NFKB1: variants seen among roughly 807,000 people sequenced by gnomAD.
NFKB1 encodes nuclear factor kappa B subunit 1.
In NFKB1, 9 loss-of-function variants were observed where a neutral mutation model predicts 105.1. That is an observed-to-expected ratio of 0.09 (90% confidence interval 0.05 to 0.15). NFKB1 has a LOEUF of 0.15. Ranked by LOEUF, NFKB1 falls within the 10% of genes least tolerant of loss-of-function variation. NFKB1 has a pLI of 1.00. For missense variants in NFKB1, 830 were observed against 1,203.7 expected (o/e 0.69, Z 4.59); for synonymous variants, 440 against 442.2 (o/e 1.00, Z 0.06).
intron 5 of NFKB1, among the ~76,000 whole-genome samples, chr4:102,548,397 T>C (rs916213784): frequency 6.6e-6 from 1 of 152,090 alleles, no homozygotes; most frequent in Non-Finnish European, 1.5e-5. Flanking sequence ...GGCAATTGTA[T>C]AATGCAGATA....
At chr4:102,503,172 CTT>C (rs1233789763) in intron 1 of NFKB1, among the ~76,000 whole-genome samples, 1 of 151,900 alleles carries the variant, frequency 6.6e-6, no homozygotes, top group African/African-American at 2.4e-5. Flanking sequence ...AGTTTATAAA[CTT>C]GGGAAGACAG....
chr4:102,536,201 G>T (rs1490133210), intron 4 of NFKB1, among the ~76,000 whole-genome samples: 2 of 152,036 alleles, frequency 1.3e-5, no homozygotes, highest in East Asian at 3.9e-4. Flanking sequence ...AACAGTGTTT[G>T]CTTACAAAAG....
In NFKB1 at chr4:102,510,890, A is replaced by G. The variant is rs117929697; in HGVS notation, c.-8+9102A>G. On this transcript the variant is annotated intron_variant, in intron 1 of 23. Transcript: ENST00000226574. ...TCTGTTCCTTCCTAGAAGGAACACA[A>G]CGTCCTACATCAAGAAAAAAGACAG... The G allele has an allele frequency of 3.8e-4, 481 of 1,269,490 alleles. 1 individual carries two copies. The East Asian group carries it at 0.025, about 66-fold the overall frequency. The allele number at this position is 1,269,490 out of a possible 1,614,324, so 78.6% of individuals were successfully genotyped here.
intron 1 of NFKB1, among the ~76,000 whole-genome samples, chr4:102,518,825 C>T (rs1390393226): frequency 6.6e-6 from 1 of 152,154 alleles, no homozygotes; most frequent in African/African-American, 2.4e-5. Flanking sequence ...TGTCTGTGCT[C>T]CACATGGTCT....
chr4:102,567,168 G>C, intron 6 of NFKB1, 33 bp downstream of exon 6: 1 of 1,602,678 alleles, frequency 6.2e-7, no homozygotes, highest in Non-Finnish European at 8.5e-7. Flanking sequence ...GTGGAAGGTA[G>C]GAACAGATAG....
intron 5 of NFKB1, among the ~76,000 whole-genome samples, chr4:102,546,811 GTGA>G (rs1179436473): frequency 2.0e-5 from 3 of 152,182 alleles, no homozygotes; most frequent in Non-Finnish European, 4.4e-5. Context: ...AGGCAGAGAG[GTGA>G]TGAGGAAGTT....
rs1724718156 is a variant in NFKB1 at position 102,575,208 on chromosome 4, A to T, written c.408-1668A>T. ...TAGGGACTAGAGATCTCTGCCTTCAAGGAGCTTATTTTCTAGTGGTATATT... is the reference window on the plus strand; with the variant it reads ...TAGGGACTAGAGATCTCTGCCTTCATGGAGCTTATTTTCTAGTGGTATATT... On this transcript the variant is annotated intron_variant, in intron 6 of 23. Transcript: ENST00000226574. Among the ~76,000 whole-genome samples the T allele has an allele frequency of 6.6e-5, 10 of 152,342 alleles. 1 individual carries two copies. The South Asian group carries it at 2.1e-3, about 32-fold the overall frequency.
chr4:102,595,765 G>A (rs1026085729), intron 13 of NFKB1, among the ~76,000 whole-genome samples: 4 of 152,172 alleles, frequency 2.6e-5, no homozygotes, highest in South Asian at 2.1e-4. Flanking sequence ...AATGTGAGTC[G>A]ACAACACGTC....
At chr4:102,509,326 C>T (rs754417372) in intron 1 of NFKB1, among the ~76,000 whole-genome samples, 4 of 152,212 alleles carry the variant, frequency 2.6e-5, no homozygotes, top group Admixed American at 2.0e-4. Context: ...ATTACATAAT[C>T]ATTTACCCTG....
intron 6 of NFKB1, among the ~76,000 whole-genome samples, chr4:102,575,725 T>C (rs964274484): frequency 3.9e-5 from 6 of 152,224 alleles, no homozygotes; most frequent in Non-Finnish European, 5.9e-5. Context: ...TCCTGACCTC[T>C]CCCTACTTTA....
intron 11 of NFKB1, among the ~76,000 whole-genome samples, chr4:102,591,378 C>A (rs1052462595): frequency 6.7e-6 from 1 of 149,886 alleles, no homozygotes; most frequent in African/African-American, 2.5e-5. Flanking sequence ...TATAATTGCA[C>A]CACTGCACTC....
chr4:102,527,025 ATTAT>A (rs1173426909), intron 2 of NFKB1, among the ~76,000 whole-genome samples: 3 of 152,098 alleles, frequency 2.0e-5, no homozygotes, highest in Non-Finnish European at 4.4e-5. Context: ...GCAATATTAA[ATTAT>A]TTATGTAATG....
In NFKB1 at chr4:102,511,681, GA is replaced by G. The variant is rs111514455; in HGVS notation, c.-8+9903del. ...ACAAAGCAAGACTGTCTCAAAAAAGGAAAAAAAAAATAGAAAGAGAAACTTT... is the reference window on the plus strand; with the variant it reads ...ACAAAGCAAGACTGTCTCAAAAAAGGAAAAAAAAATAGAAAGAGAAACTTT... On this transcript the variant is annotated intron_variant, in intron 1 of 23. Transcript: ENST00000226574. 1.1e-4 allele frequency among the ~76,000 whole-genome samples: 16 copies of G among 147,558 alleles called. 1 individual carries two copies. Among genetic ancestry groups the G allele is most frequent in the South Asian group, 6.4e-4 (3 of 4,670 alleles).
At chr4:102,552,357 C>T (rs979305350) in intron 5 of NFKB1, among the ~76,000 whole-genome samples, 1 of 151,982 alleles carries the variant, frequency 6.6e-6, no homozygotes, top group Non-Finnish European at 1.5e-5. Context: ...AAATAAGGAG[C>T]GGTGAATGGA....
At chr4:102,570,566 GA>G (rs1482594583) in intron 6 of NFKB1, among the ~76,000 whole-genome samples, 1 of 152,020 alleles carries the variant, frequency 6.6e-6, no homozygotes, top group Non-Finnish European at 1.5e-5. Flanking sequence ...ATATTCCTTT[GA>G]TTGTGTACCC....
At chr4:102,507,869 C>G (rs907993772) in intron 1 of NFKB1, among the ~76,000 whole-genome samples, 1 of 152,102 alleles carries the variant, frequency 6.6e-6, no homozygotes, top group Non-Finnish European at 1.5e-5. Context: ...TTATCCCAGA[C>G]GTCAATTCTA....
At chr4:102,551,390 G>T (rs952191603) in intron 5 of NFKB1, among the ~76,000 whole-genome samples, 2 of 152,078 alleles carry the variant, frequency 1.3e-5, no homozygotes, top group Non-Finnish European at 2.9e-5. Context: ...GTGTGTGTGT[G>T]TGTGTGTTGA....
chr4:102,566,409 G>A (rs995705311), intron 5 of NFKB1, among the ~76,000 whole-genome samples: 8 of 152,176 alleles, frequency 5.3e-5, no homozygotes, highest in Non-Finnish European at 1.5e-5. Flanking sequence ...GAGGGCTACT[G>A]AAGGCTCAGG....
intron 1 of NFKB1, among the ~76,000 whole-genome samples, chr4:102,513,632 G>A (rs772803076): frequency 4.1e-4 from 63 of 152,000 alleles, no homozygotes; most frequent in Non-Finnish European, 7.9e-4. Flanking sequence ...AGGGGGGTGA[G>A]GTTATGTATT....
Sources: gnomAD v4.1 joint callset for allele counts (sites outside exome capture counted in the v4.1 genomes callset) on GRCh38, gnomAD v4.1.1 for gene constraint, MANE v1.5 for transcripts, NCBI Gene and HGNC (gene_info 2026-07-23, HGNC 2026-07-21) for gene names.